Variants in FOXP1 observed in about 807,000 individuals in gnomAD.
FOXP1 encodes forkhead box P1, also known as forkhead box protein P1.
In FOXP1, 15 loss-of-function variants were observed where a neutral mutation model predicts 98.2. The ratio of observed to expected loss-of-function variants is 0.15; its 90% CI spans 0.10 to 0.24. The LOEUF (loss-of-function observed/expected upper bound fraction) is 0.24. Among genes scored for constraint, FOXP1 ranks in the 10% least tolerant of loss-of-function variants. FOXP1 has a pLI of 1.00. For synonymous variants in FOXP1, 371 were observed against 314.5 expected (o/e 1.18, Z -1.90); for missense variants, 633 against 848.5 (o/e 0.75, Z 3.15).
intron 7 of FOXP1, among the ~76,000 whole-genome samples, chr3:71,082,160 T>A (rs2054497867): frequency 6.6e-6 from 1 of 151,706 alleles, no homozygotes; most frequent in Admixed American, 6.6e-5. Context: ...ACGCCTGTAA[T>A]CCCAGCTACT....
At chr3:71,502,040 G>A (rs75791388) in intron 2 of FOXP1, among the ~76,000 whole-genome samples, 2,467 of 152,280 alleles carry the variant, frequency 0.016, 60 homozygotes, top group African/African-American at 0.056. Context: ...GGCTCTTTTG[G>A]GGAGCCAGGA....
intron 5 of FOXP1, among the ~76,000 whole-genome samples, chr3:71,267,547 T>C (rs550318424): frequency 2.0e-5 from 3 of 152,088 alleles, no homozygotes; most frequent in South Asian, 4.2e-4. Flanking sequence ...ACAAAAGCGA[T>C]TGTATAAGGA....
At chr3:71,358,079 C>A (rs142662855) in intron 4 of FOXP1, among the ~76,000 whole-genome samples, 4 of 152,238 alleles carry the variant, frequency 2.6e-5, no homozygotes, top group Non-Finnish European at 4.4e-5. Context: ...ATTTGCTGAG[C>A]CTGTCTCTCT....
At chr3:71,334,041 A>G (rs1416840874) in intron 4 of FOXP1, 1 of 152,176 alleles carries the variant, frequency 6.6e-6, no homozygotes, top group Non-Finnish European at 1.5e-5. Flanking sequence ...AACAGAAATT[A>G]AGAGAGAGAG....
chr3:71,250,326 T>TTGTCACA (rs2068082481), intron 5 of FOXP1, among the ~76,000 whole-genome samples: 1 of 152,212 alleles, frequency 6.6e-6, no homozygotes, highest in Non-Finnish European at 1.5e-5. Flanking sequence ...ACAACGGAAA[T>TTGTCACA]GTTCTATGCC....
chr3:70,960,481 T>TAAA (rs1464485041), intron 20 of FOXP1, among the ~76,000 whole-genome samples: 1 of 152,360 alleles, frequency 6.6e-6, no homozygotes, highest in East Asian at 1.9e-4. Context: ...ATGTTGTTCG[T>TAAA]AAATCATATT....
chr3:71,568,551 C>T (rs1446801321), intron 2 of FOXP1, among the ~76,000 whole-genome samples: 1 of 152,142 alleles, frequency 6.6e-6, no homozygotes, highest in Non-Finnish European at 1.5e-5. Context: ...TCTTGAAATA[C>T]TTACTACTTT....
chr3:71,467,134 G>A (rs1377567313), intron 3 of FOXP1, among the ~76,000 whole-genome samples: 2 of 152,176 alleles, frequency 1.3e-5, no homozygotes, highest in Non-Finnish European at 2.9e-5. Flanking sequence ...GTGTGTGTAT[G>A]TATGTGTATA....
intron 5 of FOXP1, among the ~76,000 whole-genome samples, chr3:71,274,926 T>C (rs2070742950): frequency 6.6e-6 from 1 of 152,256 alleles, no homozygotes. Flanking sequence ...TTTGCCATTC[T>C]AGAGCTACGT....
chr3:71,110,672 G>A (rs755342571), intron 7 of FOXP1, among the ~76,000 whole-genome samples: 4 of 152,140 alleles, frequency 2.6e-5, no homozygotes, highest in Non-Finnish European at 5.9e-5. Context: ...TGTGGCCTCC[G>A]CTGCTGACCT....
intron 6 of FOXP1, among the ~76,000 whole-genome samples, chr3:71,113,620 G>C (rs2058113238): frequency 6.6e-6 from 1 of 151,944 alleles, no homozygotes; most frequent in Non-Finnish European, 1.5e-5. Flanking sequence ...GGCTGAGGCA[G>C]GAGAATCGCT....
At chr3:71,190,227 C>G (rs1030196447) in intron 6 of FOXP1, among the ~76,000 whole-genome samples, 1 of 152,148 alleles carries the variant, frequency 6.6e-6, no homozygotes, top group East Asian at 1.9e-4. Context: ...TAAGTAAACT[C>G]TAAGTTATTC....
intron 8 of FOXP1, 54 bp downstream of exon 8, chr3:71,053,581 TG>T: frequency 6.2e-7 from 1 of 1,610,744 alleles, no homozygotes; most frequent in Non-Finnish European, 8.5e-7. Flanking sequence ...AATGGAGTGA[TG>T]GGGGCCCCTG....
intron 4 of FOXP1, among the ~76,000 whole-genome samples, chr3:71,331,972 C>T (rs11706481): frequency 0.57 from 86,125 of 152,012 alleles, 26,757 homozygotes; most frequent in East Asian, 0.9. Context: ...CCAATCAGCT[C>T]TCTGTAAAAC....
chr3:70,966,335 C>T lies in FOXP1; in HGVS notation c.1723-279G>A, dbSNP rs974803406. Reference sequence around the variant, plus strand: ...CTGCTTGGTAGTCACATGGTTTAGACGGGCTTTCGAATATGAGGTTTATGT... The same window carrying T: ...CTGCTTGGTAGTCACATGGTTTAGATGGGCTTTCGAATATGAGGTTTATGT... On this transcript the variant is annotated intron_variant, in intron 19 of 20. Coordinates refer to ENST00000649528, the MANE Select transcript of FOXP1 (RefSeq NM_001349338.3). 73 of 457,326 alleles carry T rather than the reference C, an allele frequency of 1.6e-4. 3 individuals carry two copies. Among genetic ancestry groups the T allele is most frequent in the South Asian group, 1.2e-3 (57 of 47,056 alleles). The allele number at this position is 457,326 out of a possible 1,614,324, so 28.3% of individuals were successfully genotyped here.
chr3:71,136,522 G>A (rs893402255), intron 6 of FOXP1, among the ~76,000 whole-genome samples: 2 of 152,166 alleles, frequency 1.3e-5, no homozygotes, highest in East Asian at 1.9e-4. Context: ...AGAAGTAAAT[G>A]ACTCATAAGA....
At chr3:71,123,852 A>G (rs55679036) in intron 6 of FOXP1, among the ~76,000 whole-genome samples, 17,323 of 152,268 alleles carry the variant, frequency 0.11, 1,262 homozygotes, top group Admixed American at 0.19. Flanking sequence ...GATAAGGAAG[A>G]TAATTAAAAA....
At chr3:71,354,264 C>T (rs1625054) in intron 4 of FOXP1, among the ~76,000 whole-genome samples, 2 of 148,970 alleles carry the variant, frequency 1.3e-5, no homozygotes, top group Non-Finnish European at 3.0e-5. Context: ...GGTGACAGAG[C>T]GAGACTCCGT....
At chr3:71,443,315 C>T (rs1309737505) in intron 3 of FOXP1, among the ~76,000 whole-genome samples, 2 of 152,190 alleles carry the variant, frequency 1.3e-5, no homozygotes, top group African/African-American at 4.8e-5. Flanking sequence ...TCCATCACCT[C>T]GAACATTCAT....
Sources: allele counts gnomAD v4.1 joint callset (sites outside exome capture counted in the v4.1 genomes callset), GRCh38; gene constraint gnomAD v4.1.1; transcripts MANE v1.5; gene names NCBI Gene and HGNC (gene_info 2026-07-23, HGNC 2026-07-21).